Variants in CYYR1 observed in about 807,000 individuals in gnomAD.
CYYR1 encodes cysteine and tyrosine-rich protein 1.
Under a neutral mutation model 15.2 loss-of-function variants are expected in CYYR1, and 14 were observed. That is an observed-to-expected ratio of 0.92 (90% CI 0.61 to 1.44). The LOEUF is 1.44. Among genes scored for constraint, CYYR1 ranks in the 40% most tolerant of loss-of-function variants. CYYR1 has a pLI of 0.00. For synonymous variants in CYYR1, 80 were observed against 77.4 expected, an observed-to-expected ratio of 1.03 and a Z score of -0.18; for missense variants, 228 against 209.5, an observed-to-expected ratio of 1.09 and a Z score of -0.54.
chr21:26,550,131 A>T (rs1016717219), intron 2 of CYYR1, among the ~76,000 whole-genome samples: 13 of 152,194 alleles, frequency 8.5e-5, no homozygotes, highest in African/African-American at 3.1e-4. Flanking sequence ...TCTGTTTTTC[A>T]CTATATCTTT....
At chr21:26,471,506 T>C (rs2065032824) in intron 3 of CYYR1, 1 of 152,222 alleles carries the variant, frequency 6.6e-6, no homozygotes, top group African/African-American at 2.4e-5. Flanking sequence ...CTTTCATTCA[T>C]ACAACCTTTG....
intron 2 of CYYR1, among the ~76,000 whole-genome samples, chr21:26,521,103 G>A (rs531661847): frequency 6.6e-6 from 1 of 152,268 alleles, no homozygotes; most frequent in South Asian, 2.1e-4. Context: ...TAGGTGATGG[G>A]TTGATAGGTT....
intron 2 of CYYR1, among the ~76,000 whole-genome samples, chr21:26,554,034 A>T (rs1238913849): frequency 6.6e-6 from 1 of 152,222 alleles, no homozygotes; most frequent in Non-Finnish European, 1.5e-5. Context: ...GCACAATATC[A>T]TCGGAGGCAA....
At chr21:26,501,280 T>A (rs2065478361) in intron 2 of CYYR1, among the ~76,000 whole-genome samples, 1 of 152,288 alleles carries the variant, frequency 6.6e-6, no homozygotes, top group Non-Finnish European at 1.5e-5. Flanking sequence ...GAGGTTGCAG[T>A]GAGCCGAGAT....
chr21:26,525,254 G>A (rs1466307953), intron 2 of CYYR1, among the ~76,000 whole-genome samples: 1 of 150,096 alleles, frequency 6.7e-6, no homozygotes, highest in African/African-American at 2.5e-5. Context: ...TTTTTTCAAT[G>A]AGTTTCTACC....
chr21:26,567,506 T>A (rs959105459), intron 1 of CYYR1, among the ~76,000 whole-genome samples: 1 of 152,206 alleles, frequency 6.6e-6, no homozygotes, highest in African/African-American at 2.4e-5. Context: ...CTAAATGATT[T>A]ATGTTTAACA....
rs751651024 is a variant in CYYR1, at chr21:26,573,021, G to C, written c.-81C>G. 5.6e-6 allele frequency: 9 copies of C among 1,609,122 alleles called. No homozygotes were observed. Among genetic ancestry groups the C allele is most frequent in the Admixed American group, 1.7e-5 (1 of 59,418 alleles). Reference sequence around the variant, plus strand: ...GGGGAGGATGGAGGGCGATCAGATGGAGAGAGCAGCGCTCCTGAGAGCCGG... The same window carrying C: ...GGGGAGGATGGAGGGCGATCAGATGCAGAGAGCAGCGCTCCTGAGAGCCGG... On this transcript the variant is annotated 5_prime_UTR_variant, in exon 1 of 4. Transcript: ENST00000652641.
At chr21:26,510,568 T>C (rs1284028161) in intron 2 of CYYR1, among the ~76,000 whole-genome samples, 1 of 152,230 alleles carries the variant, frequency 6.6e-6, no homozygotes, top group Non-Finnish European at 1.5e-5. Context: ...CATTGGCTAT[T>C]GTGCAATGTA....
chr21:26,480,276 A>G lies in CYYR1; in HGVS notation c.330T>C (p.Tyr110=), dbSNP rs1261626301. 1 of 1,609,812 alleles carries G rather than the reference A, an allele frequency of 6.2e-7. No individual in the cohort carries two copies. The change falls in exon 3 of 4, where the codon TAT becomes TAC. Residue 110 remains tyrosine, a synonymous_variant. Coordinates refer to ENST00000652641, the MANE Select transcript of CYYR1 (RefSeq NM_001320768.2). ...AGAGTCAACAGTTTTGCTCACCAGG[A>G]TAGGAGGAGACGGTGTTGATGTGAG... ...RTTHINTVSS[Y]PAGPPPYGHD...
Position 26,474,408 on chromosome 21 carries a change from CTTTTT to C in CYYR1, c.335-5779_335-5775del, listed in dbSNP as rs35912064. ...ATGAAAAAAGAAGAATACACCGTGC[CTTTTT>C]TTTTTTTTTTTTTTTAACAGAGTAG... is the stretch of plus-strand genomic sequence containing the variant. On this transcript the variant is annotated intron_variant, in intron 3 of 3. Coordinates refer to ENST00000652641, the MANE Select transcript of CYYR1 (RefSeq NM_001320768.2). Among the ~76,000 whole-genome samples the C allele has an allele frequency of 9.6e-5, 12 of 125,548 alleles. 1 individual carries two copies. Among genetic ancestry groups the C allele is most frequent in the Admixed American group, 6.5e-4 (8 of 12,360 alleles). 82.4% of individuals were successfully genotyped at this position (125,548 alleles called of 152,430 possible). A position where few individuals can be genotyped will look rare whatever the true frequency, so the allele number is the denominator to read the frequency against.
intron 2 of CYYR1, among the ~76,000 whole-genome samples, chr21:26,542,285 G>GTC (rs1334511289): frequency 1.3e-5 from 1 of 79,934 alleles, no homozygotes; most frequent in East Asian, 4.4e-4. Context: ...ATATGTGTGT[G>GTC]TGTGCGTGTG....
chr21:26,536,855 T>C (rs187894025), intron 2 of CYYR1, among the ~76,000 whole-genome samples: 1 of 152,286 alleles, frequency 6.6e-6, no homozygotes, highest in East Asian at 1.9e-4. Context: ...TTCTCAGCTT[T>C]CTGGATGCTA....
rs535719465 is a variant in CYYR1 at position 26,529,246 on chromosome 21, T to A, written c.176+37020A>T. On this transcript the variant is annotated intron_variant, in intron 2 of 3. Coordinates refer to ENST00000652641, the MANE Select transcript of CYYR1 (RefSeq NM_001320768.2). Reference sequence around the variant, plus strand: ...CATGTCTAGCTCAAAGTCCATTCTATGTTTATCACATTAGATAATCTTACA... The same window carrying A: ...CATGTCTAGCTCAAAGTCCATTCTAAGTTTATCACATTAGATAATCTTACA... Among the ~76,000 whole-genome samples the A allele has an allele frequency of 5.3e-5, 8 of 152,362 alleles. 1 individual carries two copies. In the South Asian group the frequency reaches 1.7e-3, roughly 32 times the overall value.
At chr21:26,508,638 A>G (rs115663912) in intron 2 of CYYR1, among the ~76,000 whole-genome samples, 281 of 152,308 alleles carry the variant, frequency 1.8e-3, no homozygotes, top group African/African-American at 6.6e-3. Context: ...TGGAAATGAC[A>G]AAGTAAATAG....
At chr21:26,492,174 G>C (rs899847581) in intron 2 of CYYR1, among the ~76,000 whole-genome samples, 3 of 152,194 alleles carry the variant, frequency 2.0e-5, no homozygotes, top group African/African-American at 4.8e-5. Context: ...TTTCACTATA[G>C]ATGCTGCTAA....
intron 2 of CYYR1, among the ~76,000 whole-genome samples, chr21:26,516,168 A>T (rs2065724758): frequency 6.6e-6 from 1 of 152,192 alleles, no homozygotes; most frequent in South Asian, 2.1e-4. Flanking sequence ...TACTGATTGC[A>T]TCCTAGGATC....
intron 2 of CYYR1, among the ~76,000 whole-genome samples, chr21:26,527,099 CAG>C (rs1442501718): frequency 6.6e-6 from 1 of 152,170 alleles, no homozygotes; most frequent in Non-Finnish European, 1.5e-5. Flanking sequence ...GATCAGAAGT[CAG>C]GGGATGCTGG....
chr21:26,553,939 A>T (rs1979582568), intron 2 of CYYR1, among the ~76,000 whole-genome samples: 1 of 152,200 alleles, frequency 6.6e-6, no homozygotes, highest in African/African-American at 2.4e-5. Context: ...ATGATCAATG[A>T]CTTTTTATTT....
intron 3 of CYYR1, among the ~76,000 whole-genome samples, chr21:26,473,901 C>A (rs1049735190): frequency 5.3e-5 from 8 of 152,196 alleles, no homozygotes; most frequent in Non-Finnish European, 1.0e-4. Flanking sequence ...TCTTCCACAT[C>A]CTACCACCTA....
Sources: allele counts gnomAD v4.1 joint callset (sites outside exome capture counted in the v4.1 genomes callset), GRCh38; gene constraint gnomAD v4.1.1; transcripts MANE v1.5; gene names NCBI Gene and HGNC (gene_info 2026-07-23, HGNC 2026-07-21).